Variants in CUL9 observed in about 807,000 individuals in gnomAD.
The protein encoded by CUL9 is cullin-9.
In CUL9, 79 loss-of-function variants were observed where a neutral mutation model predicts 272.6. The ratio of observed to expected loss-of-function variants is 0.29; its 90% CI spans 0.24 to 0.35. CUL9 has a LOEUF of 0.35. Among genes scored for constraint, CUL9 ranks in the 10% least tolerant of loss-of-function variants. CUL9 has a pLI of 1.00. For missense variants in CUL9, 2,532 were observed against 3,255.6 expected, an observed-to-expected ratio of 0.78 and a Z score of 5.41; for synonymous variants, 1,186 against 1,286.5, an observed-to-expected ratio of 0.92 and a Z score of 1.67.
At chr6:43,222,930 G>A (rs1339966159) in intron 38 of CUL9, 34 bp downstream of exon 38, 13 of 1,571,980 alleles carry the variant, frequency 8.3e-6, no homozygotes, top group South Asian at 1.1e-5. Context: ...CCCTCCTCCT[G>A]CCTCCTCCCC....
intron 26 of CUL9, among the ~76,000 whole-genome samples, chr6:43,209,812 A>AT (rs1032110364): frequency 1.3e-5 from 2 of 151,132 alleles, no homozygotes; most frequent in African/African-American, 4.9e-5. Flanking sequence ...CACCTGGCTA[A>AT]TTTTTTTGTA....
rs1489049790 is a variant in CUL9, at chr6:43,199,970, G to A, written c.3198G>A (p.Ser1066=). Residue 1066 remains serine, a synonymous_variant, in exon 14 of 41, where the codon TCG becomes TCA. Transcript: ENST00000252050. This position sits in a 1 kb window ranked among gnomAD's most constrained non-coding sequence, Gnocchi z 4.4. The stretch of plus-strand genomic sequence containing the variant: ...CCTGCTTCCTACATCGCCTGGCCTC[G>A]ATGCATAAGGACTATGCTGTGGTGC... ...ELTCFLHRLA[S]MHKDYAVVLC... is the part of the protein sequence containing the mutation. 9 of 1,614,146 alleles carry A rather than the reference G, an allele frequency of 5.6e-6. No individual in the cohort carries two copies. The East Asian group carries it at 1.1e-4, about 20-fold the overall frequency.
intron 26 of CUL9, among the ~76,000 whole-genome samples, chr6:43,210,049 C>T (rs1212326920): frequency 6.6e-6 from 1 of 152,174 alleles, no homozygotes; most frequent in Non-Finnish European, 1.5e-5. Flanking sequence ...GCGATCTCAG[C>T]TCACTGCAAC....
At chr6:43,209,470 C>A (rs1026838078) in intron 26 of CUL9, among the ~76,000 whole-genome samples, 1 of 151,208 alleles carries the variant, frequency 6.6e-6, no homozygotes, top group African/African-American at 2.4e-5. Context: ...TTCAACTGAC[C>A]CATAATGTTT....
At chr6:43,212,795 G>A in intron 26 of CUL9, 1 of 219,280 alleles carries the variant, frequency 4.6e-6, no homozygotes. Context: ...GGCTCACCTT[G>A]CCTGAGCTGT....
At chr6:43,194,633 CT>C (rs1449986245) in intron 9 of CUL9, among the ~76,000 whole-genome samples, 2 of 151,702 alleles carry the variant, frequency 1.3e-5, no homozygotes, top group Middle Eastern at 3.2e-3. Flanking sequence ...AGGTGCTTTT[CT>C]TTATGGGACC....
At position 43,199,955 on chromosome 6, in the gene CUL9, A is replaced by G. The variant is rs755176815; in HGVS notation, c.3183A>G (p.Leu1061=). 6.2e-7 allele frequency: 1 copy of G among 1,614,060 alleles called. No individual in the cohort carries two copies. Among genetic ancestry groups the G allele is most frequent in the Non-Finnish European group, 8.5e-7 (1 of 1,179,980 alleles). ...SEIVQELTCF[L]HRLASMHKDY... is the part of the protein sequence containing the mutation. ...TTGTTCAGGAGCTGACCTGCTTCCT[A>G]CATCGCCTGGCCTCGATGCATAAGG... Residue 1061 remains leucine, a synonymous_variant, in exon 14 of 41, where the codon CTA becomes CTG. Transcript: ENST00000252050. The surrounding 1 kb of genome is among the most constrained non-coding windows in gnomAD (Gnocchi z 4.4).
chr6:43,206,351 G>A lies in CUL9; in HGVS notation c.5053G>A (p.Glu1685Lys). ...AGAGGAGGAAGAGGAAGCTGAGAAAGAATTATTTATCGAAGATCCAAGTCC... is the reference window on the plus strand; with the variant it reads ...AGAGGAGGAAGAGGAAGCTGAGAAAAAATTATTTATCGAAGATCCAAGTCC... ...EEEEEEEAEK[E>K]LFIEDPSPAI... Residue 1685 changes from glutamate to lysine, a missense_variant, in exon 26 of 41, where the codon GAA (glutamate) becomes AAA (lysine). By Grantham distance (56) the Glu-to-Lys change is moderately conservative. Transcript: ENST00000252050. This position sits in a 1 kb window ranked among gnomAD's most constrained non-coding sequence, Gnocchi z 4.8. The A allele has an allele frequency of 6.2e-7, 1 of 1,614,166 alleles. No homozygotes were observed. The highest frequency in any genetic ancestry group is 8.5e-7 in the Non-Finnish European group (1 of 1,180,036).
chr6:43,196,645 G>A lies in CUL9; in HGVS notation c.2586G>A (p.Gly862=), dbSNP rs749157509. 6.2e-7 allele frequency: 1 copy of A among 1,613,682 alleles called. No individual in the cohort carries two copies. The highest frequency in any genetic ancestry group is 1.1e-5 in the South Asian group (1 of 91,080). Reference sequence around the variant, plus strand: ...TTCCTGGTCACCTCCCTCCTCCCAGGTGCTCTTCTGCAGCGAGAAATGGCT... The same window carrying A: ...TTCCTGGTCACCTCCCTCCTCCCAGATGCTCTTCTGCAGCGAGAAATGGCT... The part of the protein sequence containing the change: ...AAVILMLNTE[G]CSSAARNGLL... The change falls in exon 11 of 41, where the codon GGG becomes GGA. Residue 862 remains glycine (G), a splice_region_variant and synonymous_variant. Coordinates refer to ENST00000252050, the MANE Select transcript of CUL9 (RefSeq NM_015089.4).
rs1428358408 is a variant in CUL9 at position 43,187,049 on chromosome 6, T to G, written c.1341T>G (p.Ala447=). The G allele has an allele frequency of 5.6e-6, 9 of 1,614,074 alleles. No individual in the cohort carries two copies. The highest frequency in any genetic ancestry group is 7.6e-6 in the Non-Finnish European group (9 of 1,179,954). The part of the protein sequence containing the change: ...LGPEEATEDK[A]SAAVEKGAGA... ...CTGAGGAAGCCACTGAGGATAAGGC[T>G]TCAGCAGCTGTGGAGAAGGGGGCAG... is the stretch of plus-strand genomic sequence containing the variant. Residue 447 remains alanine, a synonymous_variant, in exon 5 of 41, where the codon GCT becomes GCG. Coordinates refer to ENST00000252050, the MANE Select transcript of CUL9 (RefSeq NM_015089.4).
intron 9 of CUL9, among the ~76,000 whole-genome samples, chr6:43,193,727 C>A (rs575010637): frequency 1.2e-3 from 178 of 152,030 alleles, no homozygotes; most frequent in African/African-American, 4.0e-3. Flanking sequence ...AGAATGACTC[C>A]CGGGTGTAAA....
chr6:43,187,587 A>C (rs916179942), intron 6 of CUL9, 126 bp from the exon 7 acceptor site: 4 of 1,326,826 alleles, frequency 3.0e-6, no homozygotes, highest in Non-Finnish European at 2.1e-6. Flanking sequence ...GTTGGAGGCA[A>C]GTGCTGTGAG....
rs1774461650 is a variant in CUL9, at chr6:43,200,824, G to A, written c.3637G>A (p.Val1213Ile). 5.0e-6 allele frequency: 8 copies of A among 1,614,204 alleles called. No homozygotes were observed. Among genetic ancestry groups the A allele is most frequent in the East Asian group, 2.2e-5 (1 of 44,884 alleles). The part of the protein sequence containing the change: ...HYITLHMHRG[V>I]LVRQLTLLVA... ...CATCACCCTGCACATGCACCGTGGT[G>A]TTCTTGTTAGGTGTGAACACACATA... The change falls in exon 16 of 41, where the codon GTT (valine) becomes ATT (isoleucine). Residue 1213 changes from valine (V) to isoleucine (I), a missense_variant. Val to Ile is a conservative substitution (Grantham distance 29). Coordinates refer to ENST00000252050, the MANE Select transcript of CUL9 (RefSeq NM_015089.4). This position sits in a 1 kb window ranked among gnomAD's most constrained non-coding sequence, Gnocchi z 4.0.
rs1227108263 is a variant in CUL9, at chr6:43,184,811, C to T, written c.501C>T (p.Ala167=). 1 of 1,613,624 alleles carries T rather than the reference C, an allele frequency of 6.2e-7. No homozygotes were observed. Among genetic ancestry groups the T allele is most frequent in the Admixed American group, 1.7e-5 (1 of 60,030 alleles). The change falls in exon 2 of 41, where the codon GCC becomes GCT. Residue 167 remains alanine (A), a synonymous_variant. Transcript: ENST00000252050. The surrounding 1 kb of genome is among the most constrained non-coding windows in gnomAD (Gnocchi z 4.8). ...CTGGTGTCTTCAGGGAGACAGGAGC[C>T]CTGGACCTGCTCATGCACATGTTAT... ...PLTGVFRETG[A]LDLLMHMLCN...
At chr6:43,185,011 GAA>G in intron 2 of CUL9, 106 bp downstream of exon 2, 1 of 888,196 alleles carries the variant, frequency 1.1e-6, no homozygotes, top group Non-Finnish European at 1.7e-6. Context: ...AGTATTTGGT[GAA>G]TATCAATTTG....
chr6:43,219,680 G>A (rs1372012053), intron 31 of CUL9, among the ~76,000 whole-genome samples: 1 of 152,172 alleles, frequency 6.6e-6, no homozygotes, highest in African/African-American at 2.4e-5. Flanking sequence ...GGAAGGCATG[G>A]CCATAGGCAG....
Position 43,184,730 on chromosome 6 carries a change from C to G in CUL9, c.420C>G (p.Ala140=). ...AAAGTGGGACCCCAAGCCTCACGGC[C>G]GCTGTGCTTCACACCATCCACGTGC... ...LAESGTPSLT[A]AVLHTIHVLS... The change falls in exon 2 of 41, where the codon GCC becomes GCG. Residue 140 remains alanine, a synonymous_variant. Coordinates refer to ENST00000252050, the MANE Select transcript of CUL9 (RefSeq NM_015089.4). The surrounding 1 kb of genome is among the most constrained non-coding windows in gnomAD (Gnocchi z 4.8). The G allele has an allele frequency of 6.2e-7, 1 of 1,614,200 alleles. No individual in the cohort carries two copies. The highest frequency in any genetic ancestry group is 8.5e-7 in the Non-Finnish European group (1 of 1,180,034).
rs780778517 is a variant in CUL9, at chr6:43,198,717, T to C, written c.2912T>C (p.Leu971Pro). The change falls in exon 12 of 41, where the codon CTG (leucine) becomes CCG (proline). Residue 971 changes from leucine to proline, a missense_variant. By Grantham distance (98) the Leu-to-Pro change is moderately conservative. This residue lies in a region of CUL9 where 2,218 missense variants were observed against 2,788.6 expected (regional missense o/e 0.80). Transcript: ENST00000252050. ...AELLLDLERV[L>P]CREGSPGGAV... ...CTACTCCTGGACTTGGAGCGTGTGCTGTGCCGTGAGGGCAGCCCCGGAGGT... is the reference window on the plus strand; with the variant it reads ...CTACTCCTGGACTTGGAGCGTGTGCCGTGCCGTGAGGGCAGCCCCGGAGGT... 3 of 1,614,216 alleles carry C rather than the reference T, an allele frequency of 1.9e-6. No individual in the cohort carries two copies. The highest frequency in any genetic ancestry group is 2.5e-6 in the Non-Finnish European group (3 of 1,180,022).
intron 21 of CUL9, 54 bp downstream of exon 21, chr6:43,204,593 GCTCC>G (rs1263574078): frequency 6.2e-7 from 1 of 1,605,638 alleles, no homozygotes; most frequent in African/African-American, 1.3e-5. Flanking sequence ...GGTGTATCTG[GCTCC>G]CTCCTCCCTG....
Sources: gnomAD v4.1 joint callset for allele counts (sites outside exome capture counted in the v4.1 genomes callset) on GRCh38, gnomAD v4.1.1 for gene constraint, gnomAD v4.1.1 regional missense constraint, Gnocchi (gnomAD v3.1) non-coding constraint, MANE v1.5 for transcripts, NCBI Gene and HGNC (gene_info 2026-07-23, HGNC 2026-07-21) for gene names.